The following NLGN4Y variants were observed in gnomAD, a reference collection of about 807,000 sequenced individuals.
The protein encoded by NLGN4Y is neuroligin 4 Y-linked, also known as neuroligin-4, Y-linked.
NLGN4Y carries 4 observed loss-of-function variants against 8.4 expected under a neutral mutation model. The ratio of observed to expected loss-of-function variants is 0.48; its 90% CI spans 0.23 to 1.09. The LOEUF (loss-of-function observed/expected upper bound fraction) is 1.09. Ranked by LOEUF, NLGN4Y falls within the 50% of genes least tolerant of loss-of-function variation. The pLI is 0.19. For synonymous variants in NLGN4Y, 35 were observed against 75.6 expected, an observed-to-expected ratio of 0.46 and a Z score of 2.78; for missense variants, 90 against 192.3, an observed-to-expected ratio of 0.47 and a Z score of 3.15.
At chrY:14,592,653 C>T (rs2080376477) in intron 1 of NLGN4Y, among the ~76,000 whole-genome samples, 1 of 32,558 alleles carries the variant, frequency 3.1e-5, no homozygotes, top group African/African-American at 1.2e-4. Context: ...ACAAAGAGTC[C>T]ATAGATGGGG....
At chrY:14,748,000 C>T in intron 4 of NLGN4Y, among the ~76,000 whole-genome samples, 1 of 33,410 alleles carries the variant, frequency 3.0e-5, no homozygotes, top group Non-Finnish European at 7.4e-5. Context: ...TTATCAGGTC[C>T]AGCTCCAATG....
intron 2 of NLGN4Y, among the ~76,000 whole-genome samples, chrY:14,681,396 T>C (rs947639927): frequency 1.5e-4 from 5 of 32,330 alleles, no homozygotes; most frequent in Admixed American, 1.4e-3. Context: ...CATGAGAACA[T>C]TAGGGGGGAA....
chrY:14,725,466 C>T (rs762412774), intron 4 of NLGN4Y, among the ~76,000 whole-genome samples: 40 of 33,783 alleles, frequency 1.2e-3, no homozygotes, highest in African/African-American at 4.0e-3. Flanking sequence ...TCTTAAATTA[C>T]AGGGTTATAA....
At chrY:14,642,889 C>A (rs2080595674) in intron 2 of NLGN4Y, among the ~76,000 whole-genome samples, 1 of 33,574 alleles carries the variant, frequency 3.0e-5, no homozygotes, top group Non-Finnish European at 7.4e-5. Context: ...CCTTTACTAG[C>A]AGTACATTTA....
chrY:14,833,851 T>C, intron 6 of NLGN4Y, among the ~76,000 whole-genome samples: 2 of 32,818 alleles, frequency 6.1e-5, no homozygotes. Flanking sequence ...ACTGGAGCTG[T>C]TCCTATGCAG....
intron 2 of NLGN4Y, chrY:14,640,468 G>T (rs764750894): frequency 7.3e-3 from 374 of 51,124 alleles, no homozygotes; most frequent in Non-Finnish European, 0.014. Context: ...TGTCCCAAGG[G>T]CTTTTTCATG....
intron 1 of NLGN4Y, among the ~76,000 whole-genome samples, chrY:14,555,848 C>T (rs1042999427): frequency 6.0e-5 from 2 of 33,408 alleles, no homozygotes; most frequent in Non-Finnish European, 1.5e-4. Flanking sequence ...TACTATAATG[C>T]TTTTGTAGTC....
intron 1 of NLGN4Y, among the ~76,000 whole-genome samples, chrY:14,573,282 T>C (rs980819685): frequency 3.0e-5 from 1 of 33,354 alleles, no homozygotes; most frequent in African/African-American, 1.2e-4. Context: ...GAGCCTGTTA[T>C]TGGTCTATTC....
chrY:14,653,244 A>T, intron 2 of NLGN4Y, among the ~76,000 whole-genome samples: 1 of 26,153 alleles, frequency 3.8e-5, no homozygotes. Context: ...ATGTACATAC[A>T]TGTTTACGTG....
At chrY:14,830,644 C>A (rs2043176166) in intron 6 of NLGN4Y, 125 bp downstream of exon 6, 2 of 197,721 alleles carry the variant, frequency 1.0e-5, no homozygotes, top group Non-Finnish European at 1.9e-5. Context: ...CATACAGACA[C>A]AAGCTTACAC....
intron 2 of NLGN4Y, among the ~76,000 whole-genome samples, chrY:14,684,029 T>C: frequency 2.9e-5 from 1 of 34,409 alleles, no homozygotes; most frequent in African/African-American, 1.1e-4. Flanking sequence ...CTGTTCCACA[T>C]GTCTAAACAT....
Position 14,614,401 on chromosome Y carries a change from G to A in NLGN4Y, c.-111-7608G>A, listed in dbSNP as rs374446039. On this transcript the variant is annotated intron_variant, in intron 1 of 6. Transcript: ENST00000684976. Reference sequence around the variant, plus strand: ...TTCTGTAGGTTGCCTGTTCTCTGTGGTGGTAGTTTCTTTTGCCATGCAGAA... The same window carrying A: ...TTCTGTAGGTTGCCTGTTCTCTGTGATGGTAGTTTCTTTTGCCATGCAGAA... 4.8e-3 allele frequency among the ~76,000 whole-genome samples: 156 copies of A among 32,735 alleles called. No individual in the cohort carries two copies. The East Asian group carries it at 0.065, about 14-fold the overall frequency. 87.8% of individuals were successfully genotyped at this position (32,735 alleles called of 37,273 possible). A position where few individuals can be genotyped will look rare whatever the true frequency, so the allele number is the denominator to read the frequency against.
intron 4 of NLGN4Y, chrY:14,733,433 G>T: frequency 3.6e-6 from 1 of 276,946 alleles, no homozygotes; most frequent in Non-Finnish European, 5.4e-6. Context: ...TAATAAATGT[G>T]ATTTTCTATT....
chrY:14,564,438 G>T (rs2080244109), intron 1 of NLGN4Y, among the ~76,000 whole-genome samples: 2 of 33,166 alleles, frequency 6.0e-5, no homozygotes, highest in Admixed American at 5.6e-4. Flanking sequence ...GTGGAGCTTA[G>T]TTGGGGAGAG....
At chrY:14,703,623 A>G in intron 2 of NLGN4Y, among the ~76,000 whole-genome samples, 2 of 33,553 alleles carry the variant, frequency 6.0e-5, no homozygotes, top group African/African-American at 2.3e-4. Context: ...CTTTTGGCTT[A>G]GGATTGTTTT....
chrY:14,654,104 A>C, intron 2 of NLGN4Y, among the ~76,000 whole-genome samples: 2 of 34,018 alleles, frequency 5.9e-5, no homozygotes, highest in Admixed American at 2.6e-4. Flanking sequence ...TGGATATACT[A>C]TGTTATATAT....
At chrY:14,770,805 GA>G (rs2081105372) in intron 4 of NLGN4Y, among the ~76,000 whole-genome samples, 1 of 32,798 alleles carries the variant, frequency 3.0e-5, no homozygotes, top group Non-Finnish European at 7.5e-5. Context: ...TGAGGACATT[GA>G]AAAAAGGTTA....
chrY:14,605,088 G>A, intron 1 of NLGN4Y, among the ~76,000 whole-genome samples: 5 of 32,034 alleles, frequency 1.6e-4, no homozygotes, highest in African/African-American at 2.5e-4. Flanking sequence ...GAGGTTTGAG[G>A]TGCAGATGAT....
At chrY:14,658,220 T>C (rs1026709448) in intron 2 of NLGN4Y, among the ~76,000 whole-genome samples, 4 of 33,449 alleles carry the variant, frequency 1.2e-4, no homozygotes, top group African/African-American at 4.7e-4. Context: ...TTATTTTATC[T>C]GGAAGGTAGA....
Sources: allele counts gnomAD v4.1 joint callset (sites outside exome capture counted in the v4.1 genomes callset), GRCh38; gene constraint gnomAD v4.1.1; transcripts MANE v1.5; gene names NCBI Gene and HGNC (gene_info 2026-07-23, HGNC 2026-07-21).